Variants in RABGAP1 observed in about 807,000 individuals in gnomAD.
The protein encoded by RABGAP1 is RAB GTPase activating protein 1, also known as rab GTPase-activating protein 1.
RABGAP1 carries 23 observed loss-of-function variants against 137.6 expected under a neutral mutation model. The observed-to-expected ratio is 0.17, with a 90% CI of 0.12 to 0.24. RABGAP1 has a LOEUF of 0.24. RABGAP1 is among the 10% of genes least tolerant of loss of function. RABGAP1 has a pLI of 1.00. For synonymous variants in RABGAP1, 451 were observed against 450.7 expected (o/e 1.00, Z -0.01); for missense variants, 906 against 1,275.8 (o/e 0.71, Z 4.42).
At chr9:122,977,917 G>A (rs1435643906) in intron 2 of RABGAP1, among the ~76,000 whole-genome samples, 1 of 152,134 alleles carries the variant, frequency 6.6e-6, no homozygotes, top group African/African-American at 2.4e-5. Context: ...ACAGAATCCT[G>A]GATGAGCACC....
intron 2 of RABGAP1, among the ~76,000 whole-genome samples, chr9:122,973,745 C>T (rs1186357397): frequency 6.6e-6 from 1 of 151,924 alleles, no homozygotes; most frequent in Non-Finnish European, 1.5e-5. Flanking sequence ...CGTGGTGGCT[C>T]ACGCCTGTAA....
At chr9:123,074,462 G>C in intron 17 of RABGAP1, 34 bp downstream of exon 17, 1 of 1,580,932 alleles carries the variant, frequency 6.3e-7, no homozygotes, top group Non-Finnish European at 8.6e-7. Flanking sequence ...TTTGGCTTTT[G>C]TTTGCAGTGT....
chr9:123,085,834 A>G (rs1030017688), intron 19 of RABGAP1, among the ~76,000 whole-genome samples: 1 of 152,208 alleles, frequency 6.6e-6, no homozygotes, highest in African/African-American at 2.4e-5. Flanking sequence ...ATATCTTTGT[A>G]TTGCTAATGC....
chr9:122,994,625 A>G (rs1272244706), intron 6 of RABGAP1, among the ~76,000 whole-genome samples: 1 of 152,196 alleles, frequency 6.6e-6, no homozygotes, highest in Non-Finnish European at 1.5e-5. Flanking sequence ...TTTAAGTTTG[A>G]GTAGGTGTTC....
chr9:123,051,116 T>G (rs942297947), intron 13 of RABGAP1, among the ~76,000 whole-genome samples: 22 of 151,726 alleles, frequency 1.4e-4, no homozygotes, highest in Non-Finnish European at 2.4e-4. Flanking sequence ...CAATTTTTTT[T>G]TTTTTTTTAG....
chr9:122,995,974 A>T (rs1837003596), intron 6 of RABGAP1, 67 bp from the exon 7 acceptor site: 2 of 1,503,456 alleles, frequency 1.3e-6, no homozygotes, highest in South Asian at 1.4e-5. Context: ...GTCTTTGTTT[A>T]AAAAAATGGT....
At chr9:122,996,275 GT>G (rs1163263955) in intron 7 of RABGAP1, 124 bp downstream of exon 7, 8 of 1,410,700 alleles carry the variant, frequency 5.7e-6, no homozygotes, top group East Asian at 2.6e-5. Context: ...AAATTATTTT[GT>G]TTACTGAAGT....
intron 11 of RABGAP1, among the ~76,000 whole-genome samples, chr9:123,011,191 G>T (rs1385460471): frequency 1.3e-5 from 2 of 151,642 alleles, no homozygotes; most frequent in Non-Finnish European, 2.9e-5. Context: ...TACAATATAA[G>T]ATCATGTGAG....
At chr9:123,047,936 T>G (rs1457978857) in intron 13 of RABGAP1, among the ~76,000 whole-genome samples, 42 of 80,862 alleles carry the variant, frequency 5.2e-4, no homozygotes, top group Middle Eastern at 4.2e-3. Context: ...TTTTTTTTTT[T>G]TTTTTTTTTT....
chr9:123,021,330 C>CTTTT (rs397944903), intron 13 of RABGAP1, among the ~76,000 whole-genome samples: 3 of 111,958 alleles, frequency 2.7e-5, no homozygotes, highest in African/African-American at 7.2e-5. Context: ...GAAGAGCAGG[C>CTTTT]TTTTTTTTTT....
chr9:123,035,556 TACAGCCA>T (rs1225613275), intron 13 of RABGAP1: 5 of 1,613,366 alleles, frequency 3.1e-6, no homozygotes, highest in Non-Finnish European at 4.2e-6. Flanking sequence ...CAAGTCAGAC[TACAGCCA>T]ACGACCCTTA....
intron 13 of RABGAP1, among the ~76,000 whole-genome samples, chr9:123,050,458 T>TCA (rs1164701907): frequency 5.9e-5 from 9 of 152,210 alleles, no homozygotes; most frequent in Admixed American, 6.5e-5. Context: ...AAGAACAGCA[T>TCA]CACAGCACAG....
chr9:122,983,160 G>A (rs534371525), intron 2 of RABGAP1, among the ~76,000 whole-genome samples: 7 of 146,520 alleles, frequency 4.8e-5, no homozygotes, highest in African/African-American at 1.0e-4. Flanking sequence ...GAGCCACTGC[G>A]CCCAGCAAAA....
chr9:122,975,079 A>G (rs767334784), intron 2 of RABGAP1, among the ~76,000 whole-genome samples: 5 of 152,196 alleles, frequency 3.3e-5, no homozygotes, highest in Non-Finnish European at 7.4e-5. Flanking sequence ...AAGCTCAGCA[A>G]TATTACTCAG....
chr9:122,986,774 G>C (rs1775918889), intron 4 of RABGAP1, among the ~76,000 whole-genome samples: 1 of 152,120 alleles, frequency 6.6e-6, no homozygotes, highest in Admixed American at 6.6e-5. Context: ...TGTTGAGTTT[G>C]AAAGTTACAA....
chr9:122,984,358 AAAAC>A (rs530006093), intron 2 of RABGAP1, 123 bp from the exon 3 acceptor site: 18 of 808,738 alleles, frequency 2.2e-5, no homozygotes, highest in Non-Finnish European at 2.9e-5. Context: ...ATTTTTAAAA[AAAAC>A]ATTCAGAAGA....
chr9:123,004,238 A>G (rs189000170), intron 10 of RABGAP1, among the ~76,000 whole-genome samples: 3 of 152,298 alleles, frequency 2.0e-5, no homozygotes, highest in Admixed American at 6.5e-5. Context: ...ACACTTAGCA[A>G]GTAATCTTTG....
chr9:123,091,284 C>CA (rs2035024721), intron 21 of RABGAP1, among the ~76,000 whole-genome samples: 1 of 152,144 alleles, frequency 6.6e-6, no homozygotes, highest in African/African-American at 2.4e-5. Context: ...GGGGGTCTTA[C>CA]ATTATATGCA....
At chr9:122,946,917 T>A (rs549383377) in intron 1 of RABGAP1, among the ~76,000 whole-genome samples, 9 of 152,054 alleles carry the variant, frequency 5.9e-5, no homozygotes, top group African/African-American at 2.2e-4. Context: ...CAAGATATAG[T>A]GGGGAGAGTA....
Sources: allele counts gnomAD v4.1 joint callset (sites outside exome capture counted in the v4.1 genomes callset), GRCh38; gene constraint gnomAD v4.1.1; transcripts MANE v1.5; gene names NCBI Gene and HGNC (gene_info 2026-07-23, HGNC 2026-07-21).